ABCA13: variants seen among roughly 807,000 people sequenced by gnomAD.
ABCA13 encodes the protein ATP binding cassette subfamily A member 13.
Under a neutral mutation model 478.7 loss-of-function variants are expected in ABCA13, and 476 were observed. That is an observed-to-expected ratio of 0.99 (90% confidence interval 0.92 to 1.07). ABCA13 has a LOEUF of 1.07. Among genes scored for constraint, ABCA13 ranks in the 50% least tolerant of loss-of-function variants. The pLI is 0.00. For missense variants in ABCA13, 6,060 were observed against 5,910.6 expected (o/e 1.03, Z -0.83); for synonymous variants, 2,252 against 2,158.9 (o/e 1.04, Z -1.20).
intron 58 of ABCA13, among the ~76,000 whole-genome samples, chr7:48,607,336 G>GCC (rs1486393830): frequency 6.6e-6 from 1 of 152,162 alleles, no homozygotes; most frequent in African/African-American, 2.4e-5. Flanking sequence ...TTGAGGCAAT[G>GCC]CCCCACCCTG....
At chr7:48,334,593 C>T (rs1453809562) in intron 27 of ABCA13, among the ~76,000 whole-genome samples, 1 of 152,170 alleles carries the variant, frequency 6.6e-6, no homozygotes, top group Non-Finnish European at 1.5e-5. Context: ...CCTTGGCCTC[C>T]CAGAGTGCTG....
intron 58 of ABCA13, 111 bp downstream of exon 58, chr7:48,594,924 A>G (rs1367501952): frequency 1.2e-6 from 1 of 863,784 alleles, no homozygotes; most frequent in East Asian, 2.5e-5. Flanking sequence ...CTTAATCTTT[A>G]CAACACAATA....
rs746301986 is a variant in ABCA13, at chr7:48,278,918, C to T, written c.7724C>T (p.Thr2575Ile). 25 of 1,613,042 alleles carry T rather than the reference C, an allele frequency of 1.5e-5. No homozygotes were observed. Among genetic ancestry groups the T allele is most frequent in the Non-Finnish European group, 2.1e-5 (25 of 1,179,776 alleles). The change falls in exon 18 of 62, where the codon ACT becomes ATT. Residue 2575 changes from threonine (T) to isoleucine (I), a missense_variant. Thr to Ile is a moderately conservative substitution (Grantham distance 89, BLOSUM62 -1). Around this residue, in one of 3 missense-constraint regions of ABCA13, gnomAD observed 4,423 missense variants for 4,309.1 expected, o/e 1.03. Coordinates refer to ENST00000435803, the MANE Select transcript of ABCA13 (RefSeq NM_152701.5). ...CAAAATCTTGTGAAAGAAATAGCTA[C>T]TTTAAAAAAAATAGATCATTTCACA... ...SVQNLVKEIA[T>I]LKKIDHFTFE...
intron 41 of ABCA13, among the ~76,000 whole-genome samples, chr7:48,414,107 C>A (rs777655441): frequency 2.6e-4 from 39 of 152,196 alleles, no homozygotes; most frequent in Non-Finnish European, 5.6e-4. Context: ...CTAATAAACA[C>A]ACATGATGAA....
intron 59 of ABCA13, among the ~76,000 whole-genome samples, chr7:48,618,451 A>G (rs1286371442): frequency 6.6e-6 from 1 of 152,210 alleles, no homozygotes; most frequent in Non-Finnish European, 1.5e-5. Flanking sequence ...GTGTGTTAAT[A>G]GAAAAATTGA....
intron 31 of ABCA13, among the ~76,000 whole-genome samples, chr7:48,362,267 T>C (rs1810973368): frequency 6.6e-6 from 1 of 150,388 alleles, no homozygotes; most frequent in Non-Finnish European, 1.5e-5. Flanking sequence ...GAGTTTGGCT[T>C]TTGGATATTT....
chr7:48,502,504 G>A (rs1027397563), intron 48 of ABCA13, among the ~76,000 whole-genome samples: 11 of 152,206 alleles, frequency 7.2e-5, no homozygotes, highest in Admixed American at 2.6e-4. Context: ...TCTTTTGGCA[G>A]CTTTTCACTG....
At chr7:48,559,830 G>A (rs934108308) in intron 55 of ABCA13, among the ~76,000 whole-genome samples, 2 of 152,092 alleles carry the variant, frequency 1.3e-5, no homozygotes, top group Admixed American at 6.6e-5. Flanking sequence ...ATGTCATCCC[G>A]GAGCAAAGGC....
chr7:48,441,181 GT>G (rs748672377), intron 42 of ABCA13, among the ~76,000 whole-genome samples: 157 of 152,224 alleles, frequency 1.0e-3, no homozygotes, highest in Non-Finnish European at 2.0e-3. Context: ...CTTAGTAGAT[GT>G]AACTTAATCA....
chr7:48,227,600 A>G (rs1027914948), intron 6 of ABCA13, among the ~76,000 whole-genome samples, 175 bp downstream of exon 6: 5 of 152,212 alleles, frequency 3.3e-5, no homozygotes, highest in African/African-American at 9.7e-5. Context: ...GTCTGTGTAC[A>G]TATTTTATAT....
At chr7:48,182,788 C>G (rs1283255174) in intron 1 of ABCA13, among the ~76,000 whole-genome samples, 1 of 152,162 alleles carries the variant, frequency 6.6e-6, no homozygotes, top group Non-Finnish European at 1.5e-5. Context: ...GTTTGGAAGC[C>G]TCGACTCCTA....
intron 38 of ABCA13, among the ~76,000 whole-genome samples, chr7:48,398,493 A>G (rs1204793169): frequency 1.9e-4 from 29 of 152,326 alleles, no homozygotes; most frequent in South Asian, 8.3e-4. Flanking sequence ...ACTCTCCTGT[A>G]TCACCGCTTG....
chr7:48,252,461 C>G (rs927949396), intron 15 of ABCA13, among the ~76,000 whole-genome samples: 1 of 152,080 alleles, frequency 6.6e-6, no homozygotes, highest in Non-Finnish European at 1.5e-5. Flanking sequence ...TACTACATAC[C>G]TGGAGTATAC....
At chr7:48,565,512 A>G (rs1298525346) in intron 55 of ABCA13, among the ~76,000 whole-genome samples, 1 of 152,042 alleles carries the variant, frequency 6.6e-6, no homozygotes, top group Non-Finnish European at 1.5e-5. Context: ...AGAGGGTTAT[A>G]TAGGTGTGTA....
chr7:48,323,502 A>C (rs1431639456), intron 27 of ABCA13, among the ~76,000 whole-genome samples: 1 of 152,248 alleles, frequency 6.6e-6, no homozygotes, highest in Admixed American at 6.5e-5. Context: ...GGTGGGTGCC[A>C]TCAAGAAGAT....
At chr7:48,290,634 C>A (rs1798374443) in intron 20 of ABCA13, among the ~76,000 whole-genome samples, 2 of 152,122 alleles carry the variant, frequency 1.3e-5, no homozygotes, top group Admixed American at 1.3e-4. Context: ...ACATCCATAG[C>A]AGGAATATTA....
At chr7:48,600,335 T>C (rs936497565) in intron 58 of ABCA13, among the ~76,000 whole-genome samples, 2 of 151,716 alleles carry the variant, frequency 1.3e-5, no homozygotes, top group African/African-American at 4.9e-5. Flanking sequence ...ATAGATTGTG[T>C]ATAGTTGGAT....
At chr7:48,588,224 C>G (rs1437927948) in intron 57 of ABCA13, among the ~76,000 whole-genome samples, 1 of 152,188 alleles carries the variant, frequency 6.6e-6, no homozygotes. Context: ...GTCCAAATTC[C>G]TAGACTATTG....
chr7:48,306,170 T>C (rs1399193149), intron 23 of ABCA13, among the ~76,000 whole-genome samples: 3 of 152,332 alleles, frequency 2.0e-5, no homozygotes, highest in Admixed American at 6.5e-5. Context: ...GGGCTGTGGC[T>C]TCTGTGCATT....
Sources: allele counts gnomAD v4.1 joint callset (sites outside exome capture counted in the v4.1 genomes callset), GRCh38; gene constraint gnomAD v4.1.1; regional missense constraint gnomAD v4.1.1; transcripts MANE v1.5; gene names NCBI Gene and HGNC (gene_info 2026-07-23, HGNC 2026-07-21).